The following RALYL variants were observed in gnomAD, a reference collection of about 807,000 sequenced individuals.
The protein encoded by RALYL is RNA-binding Raly-like protein.
A neutral mutation model predicts 35.1 loss-of-function variants in RALYL; 29 were observed. The ratio of observed to expected loss-of-function variants is 0.83; its 90% CI spans 0.61 to 1.13. The LOEUF is 1.13. Among genes scored for constraint, RALYL ranks in the 50% most tolerant of loss-of-function variants. The pLI is 0.00. For missense variants in RALYL, 359 were observed against 360.4 expected (o/e 1.00, Z 0.03); for synonymous variants, 120 against 127.6 (o/e 0.94, Z 0.40).
At chr8:84,232,570 G>A (rs765650241) in intron 1 of RALYL, among the ~76,000 whole-genome samples, 93 of 152,046 alleles carry the variant, frequency 6.1e-4, no homozygotes, top group Non-Finnish European at 1.6e-4. Context: ...CTTAAAAAAT[G>A]CAAAGACAGT....
chr8:84,452,483 A>G (rs971412672), intron 1 of RALYL, among the ~76,000 whole-genome samples: 1 of 151,902 alleles, frequency 6.6e-6, no homozygotes, highest in Non-Finnish European at 1.5e-5. Context: ...CTTTTTGTCT[A>G]TATTAGGAAA....
intron 1 of RALYL, among the ~76,000 whole-genome samples, chr8:84,235,476 C>A (rs1211972784): frequency 6.6e-6 from 1 of 152,144 alleles, no homozygotes; most frequent in Non-Finnish European, 1.5e-5. Context: ...TAAACCATTT[C>A]TTGTTGCTGT....
intron 2 of RALYL, among the ~76,000 whole-genome samples, chr8:84,762,847 G>A (rs1813025486): frequency 6.6e-6 from 1 of 152,132 alleles, no homozygotes; most frequent in South Asian, 2.1e-4. Context: ...CATTAATATA[G>A]CATTATTCCA....
intron 1 of RALYL, among the ~76,000 whole-genome samples, chr8:84,449,824 G>A (rs2049256843): frequency 6.6e-6 from 1 of 151,928 alleles, no homozygotes; most frequent in Non-Finnish European, 1.5e-5. Flanking sequence ...ACTAAGATGA[G>A]GTGACATATG....
intron 1 of RALYL, among the ~76,000 whole-genome samples, chr8:84,473,920 A>G (rs989788098): frequency 3.9e-5 from 6 of 152,044 alleles, no homozygotes; most frequent in African/African-American, 1.4e-4. Flanking sequence ...TTAGAATAAA[A>G]TTTTTAAATT....
At chr8:84,379,942 A>G (rs1857628966) in intron 1 of RALYL, among the ~76,000 whole-genome samples, 1 of 151,784 alleles carries the variant, frequency 6.6e-6, no homozygotes, top group Non-Finnish European at 1.5e-5. Flanking sequence ...TAAACATCAT[A>G]ATAGTTAGAC....
At chr8:84,544,672 A>G (rs538104557) in intron 2 of RALYL, among the ~76,000 whole-genome samples, 23 of 152,154 alleles carry the variant, frequency 1.5e-4, no homozygotes. Context: ...GATTCCAAGA[A>G]ATGAGTGTGG....
chr8:84,369,112 C>T (rs780670973), intron 1 of RALYL, among the ~76,000 whole-genome samples: 3 of 151,984 alleles, frequency 2.0e-5, no homozygotes, highest in South Asian at 2.1e-4. Flanking sequence ...AGTTTTTGAG[C>T]TTGCTTCTGT....
intron 1 of RALYL, among the ~76,000 whole-genome samples, chr8:84,403,529 T>TTTTG (rs2043146261): frequency 7.8e-6 from 1 of 128,952 alleles, no homozygotes; most frequent in Non-Finnish European, 1.6e-5. Context: ...TCTCTGTTTT[T>TTTTG]TTTTTTTTTT....
chr8:84,269,478 C>A (rs529132385), intron 1 of RALYL, among the ~76,000 whole-genome samples: 1 of 152,134 alleles, frequency 6.6e-6, no homozygotes, highest in Non-Finnish European at 1.5e-5. Context: ...CTGATTTAAA[C>A]CTACTTTGTT....
intron 2 of RALYL, among the ~76,000 whole-genome samples, chr8:84,636,291 G>T (rs144638387): frequency 2.0e-4 from 30 of 151,760 alleles, no homozygotes; most frequent in African/African-American, 7.2e-4. Flanking sequence ...ACCCTTATCA[G>T]TGATTCCTTT....
At chr8:84,434,047 C>T (rs1347151077) in intron 1 of RALYL, among the ~76,000 whole-genome samples, 1 of 151,930 alleles carries the variant, frequency 6.6e-6, no homozygotes, top group Non-Finnish European at 1.5e-5. Context: ...TAACTTAAAA[C>T]AACAAAAATG....
At chr8:84,319,597 G>A (rs142943505) in intron 1 of RALYL, among the ~76,000 whole-genome samples, 2,538 of 152,142 alleles carry the variant, frequency 0.017, 28 homozygotes, top group Middle Eastern at 0.044. Context: ...AACTTTGCTT[G>A]TTGTCTTTTT....
intron 1 of RALYL, among the ~76,000 whole-genome samples, chr8:84,296,591 C>T (rs962905781): frequency 3.3e-5 from 5 of 150,344 alleles, no homozygotes; most frequent in Admixed American, 1.3e-4. Flanking sequence ...TTACCTATTC[C>T]CTAGAGCAGG....
intron 2 of RALYL, among the ~76,000 whole-genome samples, chr8:84,755,089 C>T (rs1386403302): frequency 6.6e-6 from 1 of 152,144 alleles, no homozygotes; most frequent in African/African-American, 2.4e-5. Context: ...TGAGGGTCAA[C>T]TGTCAAGATG....
At chr8:84,486,601 A>G in intron 1 of RALYL, among the ~76,000 whole-genome samples, 1 of 151,944 alleles carries the variant, frequency 6.6e-6, no homozygotes, top group East Asian at 1.9e-4. Context: ...TTTCTTTCAT[A>G]TCAAATAAGA....
intron 2 of RALYL, among the ~76,000 whole-genome samples, chr8:84,697,470 A>G (rs1839372117): frequency 1.3e-5 from 2 of 152,050 alleles, no homozygotes; most frequent in South Asian, 4.1e-4. Context: ...TCCCCGAAGA[A>G]CATTCTCCAA....
At chr8:84,793,856 C>A (rs1460679636) in intron 3 of RALYL, among the ~76,000 whole-genome samples, 1 of 152,118 alleles carries the variant, frequency 6.6e-6, no homozygotes, top group Non-Finnish European at 1.5e-5. Context: ...AAAACTCAGA[C>A]AAGAAATTAA....
intron 1 of RALYL, among the ~76,000 whole-genome samples, chr8:84,514,688 A>C (rs530399698): frequency 6.6e-6 from 1 of 152,312 alleles, no homozygotes; most frequent in South Asian, 2.1e-4. Context: ...AAATTCCAAC[A>C]TACAAATTTT....
Sources: allele counts gnomAD v4.1 joint callset (sites outside exome capture counted in the v4.1 genomes callset), GRCh38; gene constraint gnomAD v4.1.1; transcripts MANE v1.5; gene names NCBI Gene and HGNC (gene_info 2026-07-23, HGNC 2026-07-21).